Variants in SYTL5 observed in about 807,000 individuals in gnomAD.
The protein encoded by SYTL5 is synaptotagmin-like protein 5.
Under a neutral mutation model 55.9 loss-of-function variants are expected in SYTL5, and 34 were observed. The ratio of observed to expected loss-of-function variants is 0.61; its 90% CI spans 0.46 to 0.81. The LOEUF is 0.81. Ranked by LOEUF, SYTL5 falls within the 30% of genes least tolerant of loss-of-function variation. SYTL5 has a pLI of 0.00. For synonymous variants in SYTL5, 221 were observed against 188.7 expected (o/e 1.17, Z -1.40); for missense variants, 637 against 546.7 (o/e 1.17, Z -1.65).
At chrX:38,125,531 G>A (rs750619275) in intron 16 of SYTL5, 25 bp downstream of exon 16, 2 of 1,158,739 alleles carry the variant, frequency 1.7e-6, no homozygotes, top group Non-Finnish European at 2.4e-6. Flanking sequence ...GACCCACAGG[G>A]ATGGTCTGTG....
In SYTL5 at chrX:38,076,712, TACA is replaced by T; in HGVS notation, c.689+12_689+14del. 8.3e-7 allele frequency: 1 copy of T among 1,206,582 alleles called. No individual in the cohort carries two copies. The highest frequency in any genetic ancestry group is 1.1e-6 in the Non-Finnish European group (1 of 892,817). ...TCCTGGTTCAGACAGGTAAGAGTCA[TACA>T]GATTGAGCAATGATGTAGCCTGAGG... is the stretch of plus-strand genomic sequence containing the variant. On this transcript the variant is annotated intron_variant, in intron 6 of 16. Coordinates refer to ENST00000297875, the MANE Select transcript of SYTL5 (RefSeq NM_138780.3).
intron 2 of SYTL5, among the ~76,000 whole-genome samples, chrX:38,047,573 G>A (rs187712311): frequency 2.8e-4 from 32 of 112,811 alleles, no homozygotes; most frequent in South Asian, 1.1e-3. Flanking sequence ...AGGGGTTGCC[G>A]CAAAGGTCTC....
the SYTL5 span, among the ~76,000 whole-genome samples, chrX:37,904,839 C>T: frequency 1.8e-5 from 2 of 110,960 alleles, no homozygotes; most frequent in Non-Finnish European, 3.8e-5. Context: ...GAGAAAATGG[C>T]CCACCCCTTC....
At chrX:38,065,619 T>A (rs1936076961) in intron 3 of SYTL5, among the ~76,000 whole-genome samples, 1 of 111,935 alleles carries the variant, frequency 8.9e-6, no homozygotes, top group African/African-American at 3.3e-5. Context: ...GTTCCCTTTG[T>A]CTGTAGTGCT....
intron 1 of SYTL5, among the ~76,000 whole-genome samples, chrX:38,026,551 C>T (rs141299431): frequency 0.044 from 4,906 of 111,652 alleles, 273 homozygotes; most frequent in African/African-American, 0.15. Context: ...CTCCATAGGC[C>T]GAGCAGCCCC....
the SYTL5 span, among the ~76,000 whole-genome samples, chrX:37,909,545 A>G: frequency 9.0e-6 from 1 of 111,300 alleles, no homozygotes; most frequent in African/African-American, 3.3e-5. Context: ...GGCCCAAGAC[A>G]ATTCTTCTTC....
chrX:37,998,393 G>T, the SYTL5 span, among the ~76,000 whole-genome samples: 2 of 112,227 alleles, frequency 1.8e-5, no homozygotes, highest in Admixed American at 9.4e-5. Context: ...GGGCTCTGTG[G>T]TTCACTGGCA....
the SYTL5 span, among the ~76,000 whole-genome samples, chrX:37,957,836 A>G: frequency 6.2e-5 from 7 of 112,316 alleles, no homozygotes; most frequent in African/African-American, 2.3e-4. Context: ...AATTTCACTG[A>G]ATCTGTAGAT....
chrX:38,056,339 A>T (rs758301333), intron 3 of SYTL5, among the ~76,000 whole-genome samples: 6 of 112,120 alleles, frequency 5.4e-5, no homozygotes, highest in Non-Finnish European at 1.1e-4. Flanking sequence ...GTGTATATGT[A>T]CCACATTTTC....
chrX:38,125,163 G>A, intron 15 of SYTL5, 135 bp from the exon 16 acceptor site: 1 of 506,928 alleles, frequency 2.0e-6, no homozygotes, highest in Non-Finnish European at 3.2e-6. Flanking sequence ...TAATAAGTCA[G>A]TTCACTATAT....
intron 12 of SYTL5, among the ~76,000 whole-genome samples, chrX:38,110,019 A>G (rs756275700): frequency 4.5e-5 from 5 of 111,471 alleles, no homozygotes; most frequent in South Asian, 3.8e-4. Context: ...TGAAAAACCA[A>G]TAAAACTGGA....
At chrX:37,950,634 C>T in the SYTL5 span, among the ~76,000 whole-genome samples, 1 of 110,754 alleles carries the variant, frequency 9.0e-6, no homozygotes, top group African/African-American at 3.3e-5. Context: ...TTTTTGGTGG[C>T]TTTAATATTG....
intron 2 of SYTL5, among the ~76,000 whole-genome samples, chrX:38,037,440 T>C: frequency 8.9e-6 from 1 of 112,347 alleles, no homozygotes; most frequent in Non-Finnish European, 1.9e-5. Context: ...TTACCAAAGC[T>C]ATTACTATTT....
chrX:38,097,894 A>G (rs1936977854), intron 9 of SYTL5, among the ~76,000 whole-genome samples: 1 of 109,609 alleles, frequency 9.1e-6, no homozygotes, highest in South Asian at 3.8e-4. Context: ...AAAAAAAAAA[A>G]CTTTATGGCC....
At chrX:38,060,069 T>G (rs1935902116) in intron 3 of SYTL5, among the ~76,000 whole-genome samples, 1 of 111,319 alleles carries the variant, frequency 9.0e-6, no homozygotes, top group South Asian at 3.8e-4. Flanking sequence ...GAATTTTATC[T>G]TTAACTTCTA....
chrX:37,990,075 G>A, the SYTL5 span, among the ~76,000 whole-genome samples: 2,100 of 109,641 alleles, frequency 0.019, 59 homozygotes, highest in African/African-American at 0.067. Context: ...TAGTAGAGAC[G>A]GGGTTTAACT....
chrX:37,965,833 T>C, the SYTL5 span, among the ~76,000 whole-genome samples: 1 of 112,712 alleles, frequency 8.9e-6, no homozygotes, highest in Non-Finnish European at 1.9e-5. Flanking sequence ...TCTGTTGCAT[T>C]GGCACTATTA....
chrX:38,073,223 G>T (rs997633514), intron 4 of SYTL5, among the ~76,000 whole-genome samples: 23 of 111,967 alleles, frequency 2.1e-4, no homozygotes, highest in African/African-American at 6.5e-4. Context: ...TATATGCCCA[G>T]AAATTAGGAC....
chrX:38,050,358 A>G (rs768540828), intron 2 of SYTL5, among the ~76,000 whole-genome samples: 4 of 112,152 alleles, frequency 3.6e-5, no homozygotes, highest in African/African-American at 1.3e-4. Context: ...TAATACATGG[A>G]ACATTTTTGA....
Sources: allele counts gnomAD v4.1 joint callset (sites outside exome capture counted in the v4.1 genomes callset), GRCh38; gene constraint gnomAD v4.1.1; transcripts MANE v1.5; gene names NCBI Gene and HGNC (gene_info 2026-07-23, HGNC 2026-07-21).